Variants in PTPN11 observed in about 807,000 individuals in gnomAD.
PTPN11 encodes the protein protein tyrosine phosphatase non-receptor type 11.
Under a neutral mutation model 78.8 loss-of-function variants are expected in PTPN11, and 6 were observed. The observed-to-expected ratio is 0.08, with a 90% CI of 0.04 to 0.15. The LOEUF (loss-of-function observed/expected upper bound fraction) is 0.15. Among genes scored for constraint, PTPN11 ranks in the 10% least tolerant of loss-of-function variants. PTPN11 has a pLI of 1.00. For synonymous variants in PTPN11, 221 were observed against 263.5 expected, an observed-to-expected ratio of 0.84 and a Z score of 1.56; for missense variants, 386 against 744.8, an observed-to-expected ratio of 0.52 and a Z score of 5.61.
chr12:112,499,336 TA>T (rs1231948525), intron 13 of PTPN11, among the ~76,000 whole-genome samples: 1 of 151,940 alleles, frequency 6.6e-6, no homozygotes, highest in African/African-American at 2.4e-5. Context: ...TTAAAAAATT[TA>T]TTTTTTATTA....
Position 112,488,352 on chromosome 12 carries a change from A to G in PTPN11, c.1380-91A>G, listed in dbSNP as rs943014950. ...TTATAAATAGCTCCAAAGAGTAGAC[A>G]TTGTTTCTGTTGATATTAATGGCTT... On this transcript the variant is annotated intron_variant, in intron 11 of 15. Transcript: ENST00000351677. The G allele has an allele frequency of 8.7e-6, 9 of 1,032,748 alleles. No homozygotes were observed. The African/African-American group carries it at 1.1e-4, about 13-fold the overall frequency. 64.0% of individuals were successfully genotyped at this position (1,032,748 alleles called of 1,614,324 possible).
intron 2 of PTPN11, among the ~76,000 whole-genome samples, chr12:112,447,921 C>A (rs2038020167): frequency 6.6e-6 from 1 of 151,746 alleles, no homozygotes; most frequent in South Asian, 2.1e-4. Flanking sequence ...CCTGCCTCAG[C>A]CTCCTGAGTA....
At chr12:112,503,094 T>C (rs2135929553) in intron 14 of PTPN11, among the ~76,000 whole-genome samples, 1 of 152,310 alleles carries the variant, frequency 6.6e-6, no homozygotes, top group Middle Eastern at 3.4e-3. Context: ...TATGGCCTGT[T>C]AATGGTTTTA....
chr12:112,479,746 G>A (rs1566182129), intron 9 of PTPN11, among the ~76,000 whole-genome samples: 1 of 152,164 alleles, frequency 6.6e-6, no homozygotes, highest in Non-Finnish European at 1.5e-5. Flanking sequence ...ATTGTGAAGA[G>A]AGGGGTCTTG....
chr12:112,489,650 G>A (rs1457828619), intron 13 of PTPN11, among the ~76,000 whole-genome samples: 1 of 152,202 alleles, frequency 6.6e-6, no homozygotes, highest in Non-Finnish European at 1.5e-5. Flanking sequence ...ATAATGAAGA[G>A]GAATGTGGAA....
rs146591493 is a variant in PTPN11 at position 112,500,328 on chromosome 12, G to A, written c.1600-1816G>A. 3.9e-3 allele frequency among the ~76,000 whole-genome samples: 599 copies of A among 152,190 alleles called. 2 individuals are homozygous for A. The highest frequency in any genetic ancestry group is 4.9e-3 in the Non-Finnish European group (333 of 68,006). On this transcript the variant is annotated intron_variant, in intron 13 of 15. Transcript: ENST00000351677. Reference sequence around the variant, plus strand: ...TTTGAATTATATTGTATCTTTCTAAGGATTGTTTCTTATATAAGCAAAGAT... The same window carrying A: ...TTTGAATTATATTGTATCTTTCTAAAGATTGTTTCTTATATAAGCAAAGAT...
chr12:112,465,420 C>CA (rs78570969), intron 6 of PTPN11, among the ~76,000 whole-genome samples: 3,757 of 90,520 alleles, frequency 0.042, 145 homozygotes, highest in African/African-American at 0.12. Context: ...GAGTGTATCA[C>CA]AAAAAAAAAA....
At position 112,434,418 on chromosome 12, in the gene PTPN11, G is replaced by A. The variant is rs1454589894; in HGVS notation, c.15-11858G>A. The stretch of plus-strand genomic sequence containing the variant: ...AGATCAAGAGATCAAGACCATCCTG[G>A]CCAACATGGTGAAACCCGGTCTCTA... On this transcript the variant is annotated intron_variant, in intron 1 of 15. Coordinates refer to ENST00000351677, the MANE Select transcript of PTPN11 (RefSeq NM_002834.5). 3.3e-5 allele frequency among the ~76,000 whole-genome samples: 5 copies of A among 151,986 alleles called. No homozygotes were observed. The East Asian group carries it at 9.7e-4, about 29-fold the overall frequency.
Position 112,504,203 on chromosome 12 carries a change from G to C in PTPN11, c.1713-492G>C, listed in dbSNP as rs1274895051. On this transcript the variant is annotated intron_variant, in intron 14 of 15. Transcript: ENST00000351677. This position sits in a 1 kb window ranked among gnomAD's most constrained non-coding sequence, Gnocchi z 4.7. ...GACTTGAGGCTTTTATTGCACTTCT[G>C]TTGTTTTTTTGAGATGGAGTCTCGC... Among the ~76,000 whole-genome samples, 1 of 152,030 alleles carries C rather than the reference G, an allele frequency of 6.6e-6. No individual in the cohort carries two copies. The highest frequency in any genetic ancestry group is 2.4e-5 in the African/African-American group (1 of 41,416).
chr12:112,424,225 G>A (rs2037570053), intron 1 of PTPN11, among the ~76,000 whole-genome samples: 2 of 152,182 alleles, frequency 1.3e-5, no homozygotes, highest in Admixed American at 1.3e-4. Context: ...ATGCAAAAGT[G>A]CTGAAGTGGG....
intron 13 of PTPN11, among the ~76,000 whole-genome samples, chr12:112,492,522 CT>C (rs978811421): frequency 1.6e-3 from 226 of 144,628 alleles, no homozygotes; most frequent in Admixed American, 1.7e-3. Flanking sequence ...TCTCATAATA[CT>C]TTTTTTTTTT....
intron 4 of PTPN11, 41 bp downstream of exon 4, chr12:112,453,428 C>A (rs1297168055): frequency 6.4e-7 from 1 of 1,572,226 alleles, no homozygotes. Flanking sequence ...AAGATGTTAC[C>A]TTTGGGTGAT....
At chr12:112,442,830 TTATATATATA>T (rs71086107) in intron 1 of PTPN11, among the ~76,000 whole-genome samples, 2,277 of 43,396 alleles carry the variant, frequency 0.052, 79 homozygotes, top group Non-Finnish European at 0.073. Context: ...CTCTCTCTTT[TTATATATATA>T]TATATATATA....
chr12:112,508,514 T>C lies in PTPN11; in HGVS notation c.*2722T>C, dbSNP rs145941353. ...TCAGTAATGGGTGAATGAGGTTGTT[T>C]GGAAAGTCGGTGTGACAGACACATG... is the stretch of plus-strand genomic sequence containing the variant. On this transcript the variant is annotated 3_prime_UTR_variant, in exon 16 of 16. Transcript: ENST00000351677. 6.6e-6 allele frequency: 1 copy of C among 152,510 alleles called. No individual in the cohort carries two copies. The highest frequency in any genetic ancestry group is 1.9e-4 in the East Asian group (1 of 5,184). The allele number at this position is 152,510 out of a possible 1,614,324, so 9.4% of individuals were successfully genotyped here.
In PTPN11 at chr12:112,506,333, T is replaced by A. The variant is rs2038934968; in HGVS notation, c.*541T>A. 6.6e-6 allele frequency: 1 copy of A among 152,168 alleles called. No homozygotes were observed. Among genetic ancestry groups the A allele is most frequent in the Non-Finnish European group, 1.5e-5 (1 of 68,028 alleles). 9.4% of individuals were successfully genotyped at this position (152,168 alleles called of 1,614,324 possible). A position where few individuals can be genotyped will look rare whatever the true frequency, so the allele number is the denominator to read the frequency against. On this transcript the variant is annotated 3_prime_UTR_variant, in exon 16 of 16. Transcript: ENST00000351677. ...GCTTCTATTTTTGGCCAAATGAGAA[T>A]TAAGCCAGTGCCTGAGACTGTCAGA...
chr12:112,486,659 C>T (rs2038682382), intron 11 of PTPN11, 30 bp downstream of exon 11: 2 of 1,610,950 alleles, frequency 1.2e-6, no homozygotes, highest in Non-Finnish European at 8.5e-7. Flanking sequence ...CTCTAGGCCA[C>T]AGCCTGTCCC....
At chr12:112,422,992 T>C (rs868449763) in intron 1 of PTPN11, among the ~76,000 whole-genome samples, 4 of 152,194 alleles carry the variant, frequency 2.6e-5, no homozygotes, top group South Asian at 2.1e-4. Context: ...CCAATGTTTT[T>C]AAGGAAGAAA....
chr12:112,420,490 C>A (rs144698980), intron 1 of PTPN11, among the ~76,000 whole-genome samples: 1 of 152,010 alleles, frequency 6.6e-6, no homozygotes, highest in African/African-American at 2.4e-5. Flanking sequence ...GGACTACAGG[C>A]GCACCACTAT....
chr12:112,509,381 C>CCT lies in PTPN11; in HGVS notation c.*3591_*3592dup, dbSNP rs2038973899. ...AATTTTGACAAGTTTTCATCCTAAG[C>CCT]CTCAAATCATGTAATTAATAATTTG... On this transcript the variant is annotated 3_prime_UTR_variant, in exon 16 of 16. Transcript: ENST00000351677. 2 of 152,562 alleles carry CCT rather than the reference C, an allele frequency of 1.3e-5. No individual in the cohort carries two copies. Among genetic ancestry groups the CCT allele is most frequent in the Non-Finnish European group, 2.9e-5 (2 of 68,022 alleles). 9.5% of individuals were successfully genotyped at this position (152,562 alleles called of 1,614,324 possible).
Sources: allele counts gnomAD v4.1 joint callset (sites outside exome capture counted in the v4.1 genomes callset), GRCh38; gene constraint gnomAD v4.1.1; non-coding constraint Gnocchi (gnomAD v3.1); transcripts MANE v1.5; gene names NCBI Gene and HGNC (gene_info 2026-07-23, HGNC 2026-07-21).